PARN: variants seen among roughly 807,000 people sequenced by gnomAD.
PARN encodes poly(A)-specific ribonuclease PARN.
PARN carries 71 observed loss-of-function variants against 102.8 expected under a neutral mutation model. The observed-to-expected ratio is 0.69, with a 90% CI of 0.57 to 0.84. PARN has a LOEUF of 0.84. Among genes scored for constraint, PARN ranks in the 40% least tolerant of loss-of-function variants. PARN has a pLI of 0.00. For missense variants in PARN, 782 were observed against 760.9 expected (o/e 1.03, Z -0.33); for synonymous variants, 261 against 252.9 (o/e 1.03, Z -0.30).
chr16:14,522,824 G>A (rs1965809860), intron 21 of PARN, among the ~76,000 whole-genome samples: 1 of 152,070 alleles, frequency 6.6e-6, no homozygotes, highest in Admixed American at 6.6e-5. Context: ...GGGAGAGAAA[G>A]GTCTGTAAAG....
intron 12 of PARN, among the ~76,000 whole-genome samples, chr16:14,598,177 G>A (rs1463623941): frequency 6.6e-6 from 1 of 151,790 alleles, no homozygotes; most frequent in African/African-American, 2.4e-5. Flanking sequence ...TAAGGTATGG[G>A]ATTTACGCAT....
intron 22 of PARN, among the ~76,000 whole-genome samples, chr16:14,475,920 T>A (rs1478205541): frequency 6.6e-6 from 1 of 152,102 alleles, no homozygotes; most frequent in Non-Finnish European, 1.5e-5. Context: ...ATCCATGGGG[T>A]TTACACAATA....
intron 17 of PARN, 147 bp downstream of exon 17, chr16:14,582,034 C>T: frequency 1.5e-6 from 1 of 655,436 alleles, no homozygotes; most frequent in Non-Finnish European, 2.7e-6. Context: ...GGGTCTTGGA[C>T]TTTCCAGCCT....
At chr16:14,580,043 C>G (rs1969420630) in intron 18 of PARN, among the ~76,000 whole-genome samples, 1 of 151,736 alleles carries the variant, frequency 6.6e-6, no homozygotes, top group South Asian at 2.1e-4. Flanking sequence ...TGGTCTACAG[C>G]AAAGGCTACA....
chr16:14,586,125 T>C (rs1357425012), intron 14 of PARN, among the ~76,000 whole-genome samples, 193 bp downstream of exon 14: 1 of 151,746 alleles, frequency 6.6e-6, no homozygotes, highest in Non-Finnish European at 1.5e-5. Flanking sequence ...ACCACACGTA[T>C]CCCACCACAC....
At chr16:14,521,646 G>C (rs529714996) in intron 21 of PARN, among the ~76,000 whole-genome samples, 1 of 152,092 alleles carries the variant, frequency 6.6e-6, no homozygotes, top group South Asian at 2.1e-4. Context: ...TAAAAATACA[G>C]AATTAGCAGG....
intron 21 of PARN, among the ~76,000 whole-genome samples, chr16:14,505,695 A>C (rs1964858854): frequency 6.6e-6 from 1 of 152,230 alleles, no homozygotes; most frequent in Non-Finnish European, 1.5e-5. Context: ...AATAAATAAT[A>C]ATCATGATGT....
At position 14,582,213 on chromosome 16, in the gene PARN, C is replaced by T; in HGVS notation, c.1160G>A (p.Gly387Glu). ...HEAGYDAYIT[G>E]LCFISMANYL... ...ATTGGCCATGGAGATGAAGCACAGCCCTGTGATGTAGGCATCGTAGCCTGC... is the reference window on the plus strand; with the variant it reads ...ATTGGCCATGGAGATGAAGCACAGCTCTGTGATGTAGGCATCGTAGCCTGC... Residue 387 changes from glycine (G) to glutamate (E), a missense_variant, in exon 17 of 24, where the codon GGG becomes GAG. Gly to Glu is a moderately conservative substitution (Grantham distance 98). Coordinates refer to ENST00000437198, the MANE Select transcript of PARN (RefSeq NM_002582.4). 1 of 1,612,826 alleles carries T rather than the reference C, an allele frequency of 6.2e-7. No individual in the cohort carries two copies. Among genetic ancestry groups the T allele is most frequent in the Non-Finnish European group, 8.5e-7 (1 of 1,178,814 alleles).
intron 21 of PARN, among the ~76,000 whole-genome samples, chr16:14,530,309 G>A (rs1162195884): frequency 6.6e-6 from 1 of 152,100 alleles, no homozygotes; most frequent in Non-Finnish European, 1.5e-5. Context: ...CCTGAGGAGG[G>A]AGAGCTCTGC....
intron 21 of PARN, among the ~76,000 whole-genome samples, chr16:14,537,504 T>C (rs1319093574): frequency 1.3e-5 from 2 of 152,190 alleles, no homozygotes; most frequent in Non-Finnish European, 2.9e-5. Context: ...GCAGCACTAT[T>C]CACAATAGCT....
intron 21 of PARN, among the ~76,000 whole-genome samples, chr16:14,494,292 A>C (rs1158812217): frequency 6.6e-6 from 1 of 152,204 alleles, no homozygotes; most frequent in Non-Finnish European, 1.5e-5. Context: ...TAGGCAACTG[A>C]GGCTGAGAGT....
chr16:14,560,381 G>A (rs768586919), intron 18 of PARN, among the ~76,000 whole-genome samples: 3 of 152,184 alleles, frequency 2.0e-5, no homozygotes, highest in Non-Finnish European at 2.9e-5. Context: ...TCAAGACTGC[G>A]TGCGGGTATC....
intron 21 of PARN, among the ~76,000 whole-genome samples, chr16:14,545,471 AATG>A (rs1966882581): frequency 6.6e-6 from 1 of 151,186 alleles, no homozygotes; most frequent in South Asian, 2.1e-4. Flanking sequence ...TTTCCAACTT[AATG>A]ATATTTAAAA....
At chr16:14,590,326 T>C (rs1970114636) in intron 13 of PARN, among the ~76,000 whole-genome samples, 1 of 137,426 alleles carries the variant, frequency 7.3e-6, no homozygotes, top group South Asian at 2.4e-4. Flanking sequence ...AAACATTAGC[T>C]CATTAGACTT....
chr16:14,587,071 T>C (rs1221935653), intron 13 of PARN, among the ~76,000 whole-genome samples: 2 of 152,238 alleles, frequency 1.3e-5, no homozygotes, highest in African/African-American at 4.8e-5. Context: ...GTCATACTCC[T>C]GACTCTTTGT....
intron 21 of PARN, among the ~76,000 whole-genome samples, chr16:14,502,841 C>G (rs1298862093): frequency 6.6e-6 from 1 of 152,200 alleles, no homozygotes; most frequent in African/African-American, 2.4e-5. Context: ...TGCTTCCGAA[C>G]AGCCCTGGGC....
intron 23 of PARN, among the ~76,000 whole-genome samples, chr16:14,441,157 C>T (rs1960922558): frequency 1.3e-5 from 2 of 152,154 alleles, no homozygotes; most frequent in Non-Finnish European, 2.9e-5. Context: ...ATACAAGCTG[C>T]ATACAGGGTA....
intron 5 of PARN, among the ~76,000 whole-genome samples, chr16:14,618,322 C>T (rs1972056416): frequency 6.6e-6 from 1 of 151,932 alleles, no homozygotes; most frequent in Admixed American, 6.6e-5. Context: ...TCCGTCTCTA[C>T]TAAAAATAAA....
rs77396841 is a variant in PARN at position 14,617,068 on chromosome 16, T to A, written c.388+522A>T. ...AGCTCATGGCTGATTATGTTTTTTG[T>A]TTTTTTTTAAAAAAAAAAAAAAAAG... On this transcript the variant is annotated intron_variant, in intron 6 of 23. Transcript: ENST00000437198. 1.6e-3 allele frequency among the ~76,000 whole-genome samples: 214 copies of A among 136,006 alleles called. 2 individuals carry two copies. The highest frequency in any genetic ancestry group is 1.8e-3 in the Non-Finnish European group (111 of 61,410). The allele number at this position is 136,006 out of a possible 152,430, so 89.2% of individuals were successfully genotyped here.
Sources: allele counts gnomAD v4.1 joint callset (sites outside exome capture counted in the v4.1 genomes callset), GRCh38; gene constraint gnomAD v4.1.1; transcripts MANE v1.5; gene names NCBI Gene and HGNC (gene_info 2026-07-23, HGNC 2026-07-21).